ZNF280D: variants seen among roughly 807,000 people sequenced by gnomAD.
ZNF280D encodes the protein zinc finger protein 280D.
A neutral mutation model predicts 94.7 loss-of-function variants in ZNF280D; 39 were observed. The observed-to-expected ratio is 0.41, with a 90% CI of 0.32 to 0.54. The LOEUF is 0.54. Ranked by LOEUF, ZNF280D falls within the 20% of genes least tolerant of loss-of-function variation. The probability of loss-of-function intolerance (pLI) is 0.22; values close to 1 mark genes in which losing one functional copy is unlikely to be tolerated. For missense variants in ZNF280D, 1,090 were observed against 1,149.3 expected (o/e 0.95, Z 0.75); for synonymous variants, 398 against 377.6 (o/e 1.05, Z -0.63).
intron 20 of ZNF280D, among the ~76,000 whole-genome samples, chr15:56,638,042 A>T (rs2052440794): frequency 6.6e-6 from 1 of 152,204 alleles, no homozygotes; most frequent in South Asian, 2.1e-4. Context: ...AATGACTGTC[A>T]AACTATGAAT....
rs928717653 is a variant in ZNF280D, at chr15:56,682,419, C to T, written c.839G>A (p.Ser280Asn). The T allele has an allele frequency of 9.6e-6, 15 of 1,559,116 alleles. No individual in the cohort carries two copies. In the Middle Eastern group the frequency reaches 8.6e-4, roughly 89 times the overall value. Residue 280 changes from serine (S) to asparagine (N), a missense_variant, in exon 10 of 22, where the codon AGT becomes AAT. Transcript: ENST00000267807. ...FLGLAKTEFS[S>N]TVNKNTTIDS... ...AATAGTTGTGTTTTTATTTACTGTA[C>T]TTGAAAATTCTGTTTTAGCCAGTCC...
chr15:56,731,782 A>T (rs1415387775), intron 1 of ZNF280D, among the ~76,000 whole-genome samples: 4 of 152,222 alleles, frequency 2.6e-5, no homozygotes, highest in African/African-American at 9.6e-5. Flanking sequence ...TATGGCAAAA[A>T]GGTAGCGTTA....
At chr15:56,702,337 C>A (rs1308846804) in intron 4 of ZNF280D, among the ~76,000 whole-genome samples, 1 of 152,066 alleles carries the variant, frequency 6.6e-6, no homozygotes, top group African/African-American at 2.4e-5. Context: ...CAAGTTTTTG[C>A]CCTCCTTTCT....
At chr15:56,696,272 C>A (rs749381114) in intron 6 of ZNF280D, among the ~76,000 whole-genome samples, 3 of 152,186 alleles carry the variant, frequency 2.0e-5, no homozygotes, top group Non-Finnish European at 4.4e-5. Flanking sequence ...TTCTGAGTTT[C>A]AAGTTACTCA....
intron 11 of ZNF280D, 121 bp from the exon 12 acceptor site, chr15:56,677,795 C>CTT (rs2055336589): frequency 3.1e-6 from 1 of 321,118 alleles, no homozygotes; most frequent in African/African-American, 2.2e-5. Flanking sequence ...AGTTAAACAG[C>CTT]TTGTTAACTA....
At chr15:56,683,676 G>A (rs1391245611) in intron 9 of ZNF280D, among the ~76,000 whole-genome samples, 4 of 152,136 alleles carry the variant, frequency 2.6e-5, no homozygotes, top group Admixed American at 2.6e-4. Context: ...GTTTTTCAGA[G>A]CAAAGGAGGT....
chr15:56,678,932 T>A, intron 10 of ZNF280D, 111 bp from the exon 11 acceptor site: 2 of 1,038,708 alleles, frequency 1.9e-6, no homozygotes, highest in Non-Finnish European at 2.6e-6. Context: ...TTACTCAAAC[T>A]CTCAAAAGTC....
intron 6 of ZNF280D, among the ~76,000 whole-genome samples, chr15:56,694,224 T>C (rs2056597554): frequency 6.6e-6 from 1 of 151,766 alleles, no homozygotes; most frequent in African/African-American, 2.4e-5. Context: ...TACATAATTA[T>C]GAAAAATATG....
chr15:56,725,040 G>C (rs1369667851), intron 1 of ZNF280D: 1 of 339,304 alleles, frequency 2.9e-6, no homozygotes, highest in East Asian at 7.6e-5. Flanking sequence ...ATACGACAGA[G>C]ATTAGGATTA....
chr15:56,663,595 A>T (rs2054100221), intron 16 of ZNF280D, among the ~76,000 whole-genome samples: 1 of 152,210 alleles, frequency 6.6e-6, no homozygotes, highest in Non-Finnish European at 1.5e-5. Flanking sequence ...TGAGAAAAAG[A>T]CAAAAAGACC....
intron 19 of ZNF280D, among the ~76,000 whole-genome samples, chr15:56,649,984 C>G (rs1158038674): frequency 1.3e-5 from 2 of 151,968 alleles, no homozygotes; most frequent in Non-Finnish European, 2.9e-5. Context: ...TCTTCTGATA[C>G]AGCATTTCAC....
At chr15:56,706,197 A>G (rs1329502209) in intron 3 of ZNF280D, among the ~76,000 whole-genome samples, 1 of 143,488 alleles carries the variant, frequency 7.0e-6, no homozygotes, top group Non-Finnish European at 1.5e-5. Context: ...GATGGAGGAC[A>G]GGCACAGTGG....
chr15:56,641,287 T>TA lies in ZNF280D; in HGVS notation c.2259+1664_2259+1665insT, dbSNP rs570585765. ...CTTTTATTAAGTGTGTAGCTTTATA[T>TA]TAGTCATGTTTACTGACTGTAAAGC... On this transcript the variant is annotated intron_variant, in intron 20 of 21. Transcript: ENST00000267807. Among the ~76,000 whole-genome samples, 47 of 152,140 alleles carry TA rather than the reference T, an allele frequency of 3.1e-4. No homozygotes were observed. In the South Asian group the frequency reaches 7.9e-3, roughly 25 times the overall value.
At chr15:56,653,710 A>G in intron 19 of ZNF280D, 1 of 1,325,550 alleles carries the variant, frequency 7.5e-7, no homozygotes, top group Non-Finnish European at 9.6e-7. Context: ...AAACAGACAA[A>G]AGACAAACAG....
intron 1 of ZNF280D, among the ~76,000 whole-genome samples, chr15:56,714,992 T>C (rs1426645381): frequency 6.6e-6 from 1 of 152,158 alleles, no homozygotes; most frequent in Non-Finnish European, 1.5e-5. Context: ...AAAGAGGATA[T>C]GGTTGCTATA....
chr15:56,658,299 T>C, intron 17 of ZNF280D, 125 bp downstream of exon 17: 1 of 686,636 alleles, frequency 1.5e-6, no homozygotes, highest in Non-Finnish European at 2.4e-6. Flanking sequence ...GTGAATATCC[T>C]AAAACCTATA....
At chr15:56,730,468 A>G (rs2058831409) in intron 1 of ZNF280D, 2 of 152,224 alleles carry the variant, frequency 1.3e-5, no homozygotes, top group South Asian at 4.1e-4. Context: ...CAGTGAGCCA[A>G]TGCTGATTAA....
At chr15:56,668,549 A>G (rs1482522131) in intron 14 of ZNF280D, among the ~76,000 whole-genome samples, 2 of 152,122 alleles carry the variant, frequency 1.3e-5, no homozygotes, top group East Asian at 1.9e-4. Flanking sequence ...GAAAGCTCAA[A>G]AATAGCCTAT....
chr15:56,700,200 T>C (rs1271587596), intron 6 of ZNF280D: 2 of 972,878 alleles, frequency 2.1e-6, no homozygotes, highest in Non-Finnish European at 2.4e-6. Flanking sequence ...ACAACATATA[T>C]GTATGTATGT....
Sources: gnomAD v4.1 joint callset for allele counts (sites outside exome capture counted in the v4.1 genomes callset) on GRCh38, gnomAD v4.1.1 for gene constraint, MANE v1.5 for transcripts, NCBI Gene and HGNC (gene_info 2026-07-23, HGNC 2026-07-21) for gene names.